Variants in SMARCB1 observed in about 807,000 individuals in gnomAD.
SMARCB1 encodes the protein SWI/SNF-related matrix-associated actin-dependent regulator of chromatin subfamily B member 1.
SMARCB1 carries 5 observed loss-of-function variants against 49.0 expected under a neutral mutation model. The observed-to-expected ratio is 0.10, with a 90% CI of 0.05 to 0.21. The LOEUF (loss-of-function observed/expected upper bound fraction) is 0.21, where lower values mean the gene tolerates loss of function less well. SMARCB1 is among the 10% of genes least tolerant of loss of function. The pLI is 1.00. For missense variants in SMARCB1, 226 were observed against 509.2 expected (o/e 0.44, Z 5.35); for synonymous variants, 201 against 200.1 (o/e 1.00, Z -0.04).
intron 3 of SMARCB1, among the ~76,000 whole-genome samples, chr22:23,796,448 G>A (rs1394005801): frequency 1.3e-5 from 2 of 152,318 alleles, no homozygotes; most frequent in African/African-American, 2.4e-5. Context: ...TGTGCATTCA[G>A]CTCTCAACAA....
intron 6 of SMARCB1, among the ~76,000 whole-genome samples, chr22:23,819,952 G>A (rs185848619): frequency 2.7e-3 from 405 of 151,992 alleles, no homozygotes; most frequent in Non-Finnish European, 4.0e-3. Context: ...TCAGCCTCTC[G>A]AGGAGGAGCT....
intron 4 of SMARCB1, chr22:23,801,606 C>A: frequency 2.9e-6 from 1 of 347,046 alleles, no homozygotes; most frequent in Non-Finnish European, 5.7e-6. Flanking sequence ...CGATTCGGTC[C>A]TTGCTTCTTC....
intron 5 of SMARCB1, among the ~76,000 whole-genome samples, chr22:23,805,354 G>A (rs1281011791): frequency 1.3e-5 from 2 of 152,196 alleles, no homozygotes; most frequent in Non-Finnish European, 2.9e-5. Context: ...GACAGCCCAT[G>A]GGGACCAGGC....
rs770856466 is a variant in SMARCB1 at position 23,793,605 on chromosome 22, C to T, written c.279C>T (p.Ala93=). 1.2e-6 allele frequency: 2 copies of T among 1,614,064 alleles called. No homozygotes were observed. The highest frequency in any genetic ancestry group is 3.3e-5 in the Admixed American group (2 of 60,014). The stretch of plus-strand genomic sequence containing the variant: ...CCACCAGTGTGACCCTGTTAAAAGC[C>T]TCGGAAGTGGAAGAGATTCTGGATG... ...TLATSVTLLK[A]SEVEEILDGN... Residue 93 remains alanine (A), a synonymous_variant, in exon 3 of 9, where the codon GCC becomes GCT. Coordinates refer to ENST00000644036, the MANE Select transcript of SMARCB1 (RefSeq NM_003073.5).
At chr22:23,823,034 C>T (rs1257802426) in intron 6 of SMARCB1, 1 of 127,852 alleles carries the variant, frequency 7.8e-6, no homozygotes, top group Non-Finnish European at 1.6e-5. Context: ...AGGCTGGACT[C>T]AAACACCTGA....
At position 23,834,721 on chromosome 22, in the gene SMARCB1, G is replaced by C; in HGVS notation, c.*541G>C. ...AGCTCCTCTCAGCTCCCCTCAGCCTGTTCTCCTTCCAGACCCAGAGAGCTG... is the reference window on the plus strand; with the variant it reads ...AGCTCCTCTCAGCTCCCCTCAGCCTCTTCTCCTTCCAGACCCAGAGAGCTG... On this transcript the variant is annotated 3_prime_UTR_variant, in exon 9 of 9. Transcript: ENST00000644036. 7.0e-7 allele frequency: 1 copy of C among 1,430,592 alleles called. No individual in the cohort carries two copies. Among genetic ancestry groups the C allele is most frequent in the Admixed American group, 2.4e-5 (1 of 42,520 alleles). The allele number at this position is 1,430,592 out of a possible 1,614,324, so 88.6% of individuals were successfully genotyped here.
rs1928067987 is a variant in SMARCB1 at position 23,787,366 on chromosome 22, G to GCGGGC, written c.93+104_93+105insCGGGC. 6.3e-6 allele frequency: 3 copies of GCGGGC among 477,726 alleles called. No individual in the cohort carries two copies. In the African/African-American group the frequency reaches 7.7e-5, roughly 12 times the overall value. The allele number at this position is 477,726 out of a possible 1,614,324, so 29.6% of individuals were successfully genotyped here. ...GCGTCTCCATTCATCGGGGCGGGCGGGCGCGCGCGCGCGCGCTCGGGGCTG... is the reference window on the plus strand; with the variant it reads ...GCGTCTCCATTCATCGGGGCGGGCGGCGGGCGCGCGCGCGCGCGCGCTCGGGGCTG... On this transcript the variant is annotated intron_variant, in intron 1 of 8. Coordinates refer to ENST00000644036, the MANE Select transcript of SMARCB1 (RefSeq NM_003073.5).
intron 7 of SMARCB1, 81 bp downstream of exon 7, chr22:23,825,496 T>TA (rs2030336436): frequency 2.4e-6 from 3 of 1,273,712 alleles, no homozygotes; most frequent in Non-Finnish European, 3.4e-6. Flanking sequence ...TGAGCGGTGA[T>TA]ACCTTTGAGG....
chr22:23,812,551 T>A (rs1929941607), intron 5 of SMARCB1, among the ~76,000 whole-genome samples: 1 of 152,194 alleles, frequency 6.6e-6, no homozygotes, highest in African/African-American at 2.4e-5. Context: ...CAATATCCTT[T>A]ATGACTAAAG....
chr22:23,800,641 C>T (rs551813069), intron 3 of SMARCB1, among the ~76,000 whole-genome samples: 1 of 152,304 alleles, frequency 6.6e-6, no homozygotes, highest in East Asian at 1.9e-4. Context: ...GAAGTCTCCC[C>T]CTTGTACCAC....
intron 1 of SMARCB1, among the ~76,000 whole-genome samples, chr22:23,790,846 C>G (rs569495547): frequency 1.3e-5 from 2 of 151,668 alleles, no homozygotes; most frequent in Non-Finnish European, 2.9e-5. Flanking sequence ...GACCCTGTCT[C>G]AAAAATAATA....
At chr22:23,825,730 A>G in intron 7 of SMARCB1, 1 of 410,050 alleles carries the variant, frequency 2.4e-6, no homozygotes, top group Non-Finnish European at 4.5e-6. Flanking sequence ...GTCCTGCCCC[A>G]CACCCTCTCT....
chr22:23,817,317 G>C, intron 6 of SMARCB1: 1 of 334,184 alleles, frequency 3.0e-6, no homozygotes. Context: ...GGCACGTGGA[G>C]AGCTGAGATC....
At chr22:23,790,671 C>T (rs753864903) in intron 1 of SMARCB1, among the ~76,000 whole-genome samples, 25 of 151,936 alleles carry the variant, frequency 1.6e-4, no homozygotes, top group African/African-American at 5.6e-4. Context: ...GGTGAAACTC[C>T]GTCTCTACAA....
At chr22:23,790,767 G>A (rs923110061) in intron 1 of SMARCB1, among the ~76,000 whole-genome samples, 10 of 152,208 alleles carry the variant, frequency 6.6e-5, no homozygotes, top group African/African-American at 1.2e-4. Context: ...CGCTTGAGCC[G>A]AGGAGTTCGA....
chr22:23,805,000 A>T (rs920842306), intron 5 of SMARCB1, among the ~76,000 whole-genome samples: 1 of 152,118 alleles, frequency 6.6e-6, no homozygotes, highest in Non-Finnish European at 1.5e-5. Context: ...GGAGAGTATG[A>T]GTGGTTGTTG....
chr22:23,801,465 C>A, intron 4 of SMARCB1: 1 of 513,662 alleles, frequency 1.9e-6, no homozygotes, highest in South Asian at 1.7e-5. Context: ...GAGTAAACCA[C>A]CACAAACTGG....
rs980288550 is a variant in SMARCB1 at position 23,835,216 on chromosome 22, T to G, written c.*1036T>G. The G allele has an allele frequency of 8.1e-7, 1 of 1,234,290 alleles. No homozygotes were observed. The highest frequency in any genetic ancestry group is 1.6e-5 in the African/African-American group (1 of 64,234). 76.5% of individuals were successfully genotyped at this position (1,234,290 alleles called of 1,614,324 possible). A position where few individuals can be genotyped will look rare whatever the true frequency, so the allele number is the denominator to read the frequency against. ...CTGCCTCCAAGGAGTTCATGTCCCC[T>G]CTGTTCTCATCTGTAATAGGGAGGT... On this transcript the variant is annotated 3_prime_UTR_variant, in exon 9 of 9. Transcript: ENST00000644036.
Position 23,825,215 on chromosome 22 carries a change from G to GT in SMARCB1, c.796-8dup. The GT allele has an allele frequency of 6.2e-7, 1 of 1,613,564 alleles. No homozygotes were observed. The highest frequency in any genetic ancestry group is 8.5e-7 in the Non-Finnish European group (1 of 1,179,418). On this transcript the variant is annotated splice_polypyrimidine_tract_variant and intron_variant, in intron 6 of 8. Coordinates refer to ENST00000644036, the MANE Select transcript of SMARCB1 (RefSeq NM_003073.5). ...AAGCTCTAACTTGTGTCCTTTGGTT[G>GT]TTGCCTCAGCTGAACATCCATGTGG...
Sources: gnomAD v4.1 joint callset for allele counts (sites outside exome capture counted in the v4.1 genomes callset) on GRCh38, gnomAD v4.1.1 for gene constraint, MANE v1.5 for transcripts, NCBI Gene and HGNC (gene_info 2026-07-23, HGNC 2026-07-21) for gene names.